RMDN1: variants seen among roughly 807,000 people sequenced by gnomAD.
RMDN1 encodes regulator of microtubule dynamics 1, also known as regulator of microtubule dynamics protein 1.
A neutral mutation model predicts 48.9 loss-of-function variants in RMDN1; 48 were observed. The observed-to-expected ratio is 0.98, with a 90% CI of 0.78 to 1.25. The LOEUF (loss-of-function observed/expected upper bound fraction) is 1.25. Ranked by LOEUF, RMDN1 falls within the 50% of genes most tolerant of loss-of-function variation. The probability of loss-of-function intolerance (pLI) is 0.00; values close to 1 mark genes in which losing one functional copy is unlikely to be tolerated. For synonymous variants in RMDN1, 148 were observed against 132.6 expected, an observed-to-expected ratio of 1.12 and a Z score of -0.80; for missense variants, 418 against 373.4, an observed-to-expected ratio of 1.12 and a Z score of -0.98.
chr8:86,469,936 G>C (rs780846959), downstream of RMDN1, among the ~76,000 whole-genome samples: 27 of 152,158 alleles, frequency 1.8e-4, 1 homozygote, highest in Middle Eastern at 0.021. Flanking sequence ...AAATTGGTGG[G>C]GTTGTCTTTA....
rs752260130 is a variant in RMDN1 at position 86,474,658 on chromosome 8, C to CTA, written c.894+160_894+161dup. 7 of 796,096 alleles carry CTA rather than the reference C, an allele frequency of 8.8e-6. No individual in the cohort carries two copies. The South Asian group carries it at 1.0e-4, about 11-fold the overall frequency. 49.3% of individuals were successfully genotyped at this position (796,096 alleles called of 1,614,324 possible). A position where few individuals can be genotyped will look rare whatever the true frequency, so the allele number is the denominator to read the frequency against. On this transcript the variant is annotated intron_variant, in intron 9 of 9. Coordinates refer to ENST00000406452, the MANE Select transcript of RMDN1 (RefSeq NM_016033.3). ...CTGGTGATAGTAACTAAATTATTTC[C>CTA]TATATAGAAATATAAATGTCAATCA... is the stretch of plus-strand genomic sequence containing the variant.
chr8:86,478,921 A>G lies in RMDN1; in HGVS notation c.729+2T>C, dbSNP rs1181264030. The G allele has an allele frequency of 6.2e-7, 1 of 1,609,932 alleles. No homozygotes were observed. ...CTAACTTAACAAAGGACATCATACT[A>G]CCTTCTCATAGGTGGAACTAGGAGG... On this transcript the variant is annotated splice_donor_variant, in intron 7 of 9. Transcript: ENST00000406452. LOFTEE classifies it high-confidence loss of function.
chr8:86,504,304 G>A (rs1262587540), intron 2 of RMDN1: 6 of 1,578,826 alleles, frequency 3.8e-6, no homozygotes, highest in East Asian at 2.2e-5. Context: ...AGACAACCAG[G>A]AGATGCAAGA....
At chr8:86,482,382 A>T (rs919906263) in intron 5 of RMDN1, 2 of 391,476 alleles carry the variant, frequency 5.1e-6, no homozygotes, top group African/African-American at 4.2e-5. Flanking sequence ...AGCCTGGGCA[A>T]CAGAGGAGAC....
At chr8:86,493,925 C>G (rs1713836613) in intron 2 of RMDN1, among the ~76,000 whole-genome samples, 1 of 152,090 alleles carries the variant, frequency 6.6e-6, no homozygotes, top group East Asian at 1.9e-4. Context: ...ATCGGAAACA[C>G]TTCTAGTCCC....
intron 2 of RMDN1, among the ~76,000 whole-genome samples, chr8:86,492,605 A>AG (rs1335945850): frequency 6.6e-6 from 1 of 151,780 alleles, no homozygotes; most frequent in Non-Finnish European, 1.5e-5. Flanking sequence ...GTGAAATGAG[A>AG]TCGCACCAAT....
chr8:86,482,339 C>T (rs1339869608), intron 5 of RMDN1: 5 of 328,462 alleles, frequency 1.5e-5, no homozygotes, highest in South Asian at 1.2e-4. Context: ...GAAGCAGAGG[C>T]TGCAGTAAGC....
intron 2 of RMDN1, chr8:86,505,017 A>T (rs1819074400): frequency 2.7e-6 from 4 of 1,481,522 alleles, no homozygotes; most frequent in Non-Finnish European, 2.8e-6. Context: ...GGATGGCATC[A>T]TGGAGATGAA....
Position 86,472,807 on chromosome 8 carries a change from T to G in RMDN1, c.*1501A>C, listed in dbSNP as rs1812762314. The G allele has an allele frequency of 4.0e-6, 1 of 252,328 alleles. No homozygotes were observed. Among genetic ancestry groups the G allele is most frequent in the Non-Finnish European group, 7.5e-6 (1 of 133,456 alleles). 15.6% of individuals were successfully genotyped at this position (252,328 alleles called of 1,614,324 possible). ...GATGGTGACATCAACCAACCACAAA[T>G]TACCCACATGAGTGGCTGAGATAAT... On this transcript the variant is annotated 3_prime_UTR_variant, in exon 10 of 10. Coordinates refer to ENST00000406452, the MANE Select transcript of RMDN1 (RefSeq NM_016033.3).
At position 86,473,918 on chromosome 8, in the gene RMDN1, T is replaced by C; in HGVS notation, c.*390A>G. On this transcript the variant is annotated 3_prime_UTR_variant, in exon 10 of 10. Transcript: ENST00000406452. ...TGTCACCACACCTTCTCTTCAAGATTTCAACTTAGAATCAATCCAATTTGA... is the reference window on the plus strand; with the variant it reads ...TGTCACCACACCTTCTCTTCAAGATCTCAACTTAGAATCAATCCAATTTGA... 1.0e-6 allele frequency: 1 copy of C among 1,003,858 alleles called. No individual in the cohort carries two copies. The highest frequency in any genetic ancestry group is 1.2e-6 in the Non-Finnish European group (1 of 842,004). 62.2% of individuals were successfully genotyped at this position (1,003,858 alleles called of 1,614,324 possible).
Position 86,495,618 on chromosome 8 carries a change from T to C in RMDN1, c.248-6979A>G, listed in dbSNP as rs115314882. On this transcript the variant is annotated intron_variant, in intron 2 of 9. Coordinates refer to ENST00000406452, the MANE Select transcript of RMDN1 (RefSeq NM_016033.3). ...GTCTGCCAGCCTCTCCCAGGGTCCCTGCCTGGCCGCACCCGTAGGCAGCAC... is the reference window on the plus strand; with the variant it reads ...GTCTGCCAGCCTCTCCCAGGGTCCCCGCCTGGCCGCACCCGTAGGCAGCAC... Among the ~76,000 whole-genome samples, 474 of 152,194 alleles carry C rather than the reference T, an allele frequency of 3.1e-3. 5 individuals carry two copies. The highest frequency in any genetic ancestry group is 0.011 in the African/African-American group (453 of 41,540).
rs1248028982 is a variant in RMDN1, at chr8:86,486,694, T to G, written c.336-51A>C. The G allele has an allele frequency of 2.8e-6, 4 of 1,443,724 alleles. No homozygotes were observed. The East Asian group carries it at 6.9e-5, about 25-fold the overall frequency. The allele number at this position is 1,443,724 out of a possible 1,614,324, so 89.4% of individuals were successfully genotyped here. A position where few individuals can be genotyped will look rare whatever the true frequency, so the allele number is the denominator to read the frequency against. ...ACCATTTTAGCTCACATTTAAAAAT[T>G]GTTAAGGGTTACATTACTAATGAAT... On this transcript the variant is annotated intron_variant, in intron 3 of 9. Coordinates refer to ENST00000406452, the MANE Select transcript of RMDN1 (RefSeq NM_016033.3).
At chr8:86,487,900 T>TA (rs1483491569) in intron 3 of RMDN1, among the ~76,000 whole-genome samples, 4 of 152,096 alleles carry the variant, frequency 2.6e-5, no homozygotes, top group Non-Finnish European at 5.9e-5. Context: ...TTTGAAAATC[T>TA]AAAAAAGGCA....
chr8:86,478,196 T>C (rs1813714027), intron 7 of RMDN1: 1 of 152,242 alleles, frequency 6.6e-6, no homozygotes, highest in Non-Finnish European at 1.5e-5. Context: ...ATGGGCATTA[T>C]TTTAATAATA....
At position 86,488,599 on chromosome 8, in the gene RMDN1, G is replaced by A. The variant is rs376892466; in HGVS notation, c.288C>T (p.Ser96=). The part of the protein sequence containing the change: ...ILEQADYLYE[S]GETEKLYQLL... ...ACTGATAAAGTTTTTCTGTTTCTCC[G>A]CTTTCATACAGGTAGTCTGCTTGTT... The change falls in exon 3 of 10, where the codon AGC becomes AGT. Residue 96 remains serine, a synonymous_variant. Coordinates refer to ENST00000406452, the MANE Select transcript of RMDN1 (RefSeq NM_016033.3). 2.7e-5 allele frequency: 43 copies of A among 1,609,868 alleles called. No homozygotes were observed. Among genetic ancestry groups the A allele is most frequent in the South Asian group, 5.5e-5 (5 of 90,584 alleles).
Position 86,479,021 on chromosome 8 carries a change from AT to A in RMDN1, c.642-12del. ...GCAAATGTATAGCACCTACAGGGAA[AT>A]AAAACAATTTTATACATTCAAATTG... On this transcript the variant is annotated splice_polypyrimidine_tract_variant and intron_variant, in intron 6 of 9. Coordinates refer to ENST00000406452, the MANE Select transcript of RMDN1 (RefSeq NM_016033.3). 3 of 1,595,230 alleles carry A rather than the reference AT, an allele frequency of 1.9e-6. No individual in the cohort carries two copies. The highest frequency in any genetic ancestry group is 1.7e-4 in the Middle Eastern group (1 of 6,016).
intron 3 of RMDN1, among the ~76,000 whole-genome samples, chr8:86,487,500 A>C (rs1004582513): frequency 6.6e-6 from 1 of 152,164 alleles, no homozygotes. Flanking sequence ...AGCCAGAAGA[A>C]TCGCTTGAAC....
chr8:86,500,942 G>A (rs1437992500), intron 2 of RMDN1, among the ~76,000 whole-genome samples: 1 of 152,110 alleles, frequency 6.6e-6, no homozygotes, highest in Non-Finnish European at 1.5e-5. Flanking sequence ...AATTAATATG[G>A]GAACAGAAAA....
downstream of RMDN1, chr8:86,472,286 C>T (rs1425173531): frequency 1.6e-6 from 1 of 611,086 alleles, no homozygotes; most frequent in African/African-American, 1.8e-5. Context: ...TTTCTGAGCA[C>T]CAAAATGATG....
Sources: allele counts gnomAD v4.1 joint callset (sites outside exome capture counted in the v4.1 genomes callset), GRCh38; gene constraint gnomAD v4.1.1; transcripts MANE v1.5; gene names NCBI Gene and HGNC (gene_info 2026-07-23, HGNC 2026-07-21).